CDK17: variants seen among roughly 807,000 people sequenced by gnomAD.
CDK17 encodes cyclin-dependent kinase 17.
Under a neutral mutation model 77.6 loss-of-function variants are expected in CDK17, and 24 were observed. The ratio of observed to expected loss-of-function variants is 0.31; its 90% CI spans 0.22 to 0.44. The LOEUF (loss-of-function observed/expected upper bound fraction) is 0.44, where lower values mean the gene tolerates loss of function less well. Among genes scored for constraint, CDK17 ranks in the 20% least tolerant of loss-of-function variants. The probability of loss-of-function intolerance (pLI) is 1.00; values close to 1 mark genes in which losing one functional copy is unlikely to be tolerated. For synonymous variants in CDK17, 203 were observed against 210.4 expected, an observed-to-expected ratio of 0.96 and a Z score of 0.30; for missense variants, 429 against 622.5, an observed-to-expected ratio of 0.69 and a Z score of 3.31.
intron 1 of CDK17, among the ~76,000 whole-genome samples, chr12:96,343,114 T>C (rs1953146430): frequency 6.6e-6 from 1 of 152,250 alleles, no homozygotes; most frequent in Admixed American, 6.5e-5. Flanking sequence ...CAATATTAGT[T>C]TATTATGACA....
At chr12:96,363,858 A>G (rs1953539025) in intron 1 of CDK17, among the ~76,000 whole-genome samples, 1 of 152,204 alleles carries the variant, frequency 6.6e-6, no homozygotes, top group Admixed American at 6.5e-5. Context: ...CAAAACAAAC[A>G]AACACATAAA....
intron 1 of CDK17, among the ~76,000 whole-genome samples, chr12:96,343,131 G>A (rs998095487): frequency 3.3e-5 from 5 of 152,182 alleles, no homozygotes; most frequent in African/African-American, 1.2e-4. Context: ...GACACTTGAG[G>A]TGTAAAATGT....
intron 3 of CDK17, among the ~76,000 whole-genome samples, chr12:96,317,192 G>A (rs1490247098): frequency 2.7e-5 from 4 of 150,210 alleles, no homozygotes; most frequent in Non-Finnish European, 5.9e-5. Context: ...CGATCAACTG[G>A]AAGAAAGGGT....
At chr12:96,394,123 G>C (rs900371186) in intron 1 of CDK17, among the ~76,000 whole-genome samples, 1 of 151,962 alleles carries the variant, frequency 6.6e-6, no homozygotes, top group African/African-American at 2.4e-5. Flanking sequence ...GTGCACGCCT[G>C]TAATCCCAGC....
chr12:96,294,362 C>T (rs932425279), intron 10 of CDK17, among the ~76,000 whole-genome samples: 10 of 151,754 alleles, frequency 6.6e-5, no homozygotes, highest in Non-Finnish European at 1.3e-4. Flanking sequence ...GAGGCCGAGG[C>T]GAGTGGACCA....
intron 9 of CDK17, among the ~76,000 whole-genome samples, chr12:96,296,746 T>C (rs1047450469): frequency 1.3e-5 from 2 of 152,234 alleles, no homozygotes; most frequent in Middle Eastern, 3.2e-3. Flanking sequence ...ATTTTTAGCA[T>C]TAAATTTTTA....
chr12:96,328,443 T>C (rs1952919451), intron 2 of CDK17, among the ~76,000 whole-genome samples: 1 of 152,176 alleles, frequency 6.6e-6, no homozygotes, highest in African/African-American at 2.4e-5. Flanking sequence ...TGGTCCCTGA[T>C]GCCAGAAAGG....
At chr12:96,337,403 T>TC (rs1415833343) in intron 1 of CDK17, among the ~76,000 whole-genome samples, 1 of 152,150 alleles carries the variant, frequency 6.6e-6, no homozygotes, top group African/African-American at 2.4e-5. Flanking sequence ...TCTTGACTCT[T>TC]CAAGTGTTGA....
chr12:96,382,167 C>A (rs1047792932), intron 1 of CDK17, among the ~76,000 whole-genome samples: 1 of 151,728 alleles, frequency 6.6e-6, no homozygotes, highest in Non-Finnish European at 1.5e-5. Context: ...GTCACAGCAC[C>A]GATTTAAAAT....
intron 1 of CDK17, among the ~76,000 whole-genome samples, chr12:96,397,247 A>G (rs1954187061): frequency 1.3e-5 from 2 of 152,168 alleles, no homozygotes. Flanking sequence ...CGCTTAGTCA[A>G]CATAGCTATC....
At chr12:96,348,696 T>A (rs914484481) in intron 1 of CDK17, among the ~76,000 whole-genome samples, 1 of 152,144 alleles carries the variant, frequency 6.6e-6, no homozygotes, top group Non-Finnish European at 1.5e-5. Context: ...TGAACAATTA[T>A]ATGCTAACAA....
chr12:96,384,807 G>A (rs1029144265), intron 1 of CDK17, among the ~76,000 whole-genome samples: 1 of 152,086 alleles, frequency 6.6e-6, no homozygotes, highest in African/African-American at 2.4e-5. Flanking sequence ...CTTGAGCCCA[G>A]GAGTTCAAGA....
chr12:96,363,622 C>CA (rs1272911725), intron 1 of CDK17, among the ~76,000 whole-genome samples: 2 of 151,880 alleles, frequency 1.3e-5, no homozygotes, highest in Non-Finnish European at 2.9e-5. Context: ...TCAAGGCGGG[C>CA]AGATCATGAG....
intron 1 of CDK17, among the ~76,000 whole-genome samples, chr12:96,349,615 A>C (rs553359387): frequency 1.3e-5 from 2 of 152,108 alleles, no homozygotes; most frequent in South Asian, 4.2e-4. Context: ...AGAGAAAGGA[A>C]TTTCCTCAAC....
intron 1 of CDK17, among the ~76,000 whole-genome samples, chr12:96,386,147 A>G (rs1192649071): frequency 6.6e-6 from 1 of 152,182 alleles, no homozygotes; most frequent in Non-Finnish European, 1.5e-5. Flanking sequence ...ATGTGCCACC[A>G]CAGCTGGCCA....
Position 96,325,611 on chromosome 12 carries a change from A to G in CDK17, c.119-1499T>C, listed in dbSNP as rs566209009. On this transcript the variant is annotated intron_variant, in intron 2 of 16. Coordinates refer to ENST00000261211, the MANE Select transcript of CDK17 (RefSeq NM_002595.5). Reference sequence around the variant, plus strand: ...GCATAAGGGCCCAAAGGCTCACCCAAGGTCCAAGCTATCTAATCTGGGTCA... The same window carrying G: ...GCATAAGGGCCCAAAGGCTCACCCAGGGTCCAAGCTATCTAATCTGGGTCA... 7.2e-5 allele frequency among the ~76,000 whole-genome samples: 11 copies of G among 152,362 alleles called. No individual in the cohort carries two copies. In the South Asian group the frequency reaches 1.0e-3, roughly 14 times the overall value.
Position 96,311,243 on chromosome 12 carries a change from C to A in CDK17, c.418-66G>T, listed in dbSNP as rs953006220. The stretch of plus-strand genomic sequence containing the variant: ...GGCATTTGGCTTTTGTATTCACAGG[C>A]TCTAACATATTATTTCTTAGTGATA... On this transcript the variant is annotated intron_variant, in intron 4 of 16. Transcript: ENST00000261211. The A allele has an allele frequency of 1.3e-5, 17 of 1,288,604 alleles. 1 individual carries two copies. Among genetic ancestry groups the A allele is most frequent in the Non-Finnish European group, 1.7e-5 (16 of 960,760 alleles). 79.8% of individuals were successfully genotyped at this position (1,288,604 alleles called of 1,614,324 possible). A position where few individuals can be genotyped will look rare whatever the true frequency, so the allele number is the denominator to read the frequency against.
chr12:96,331,333 G>A (rs762085905), intron 2 of CDK17, among the ~76,000 whole-genome samples: 2 of 152,032 alleles, frequency 1.3e-5, no homozygotes, highest in Non-Finnish European at 2.9e-5. Context: ...TTTCTTCCAG[G>A]CACTACAGAA....
rs1025236602 is a variant in CDK17 at position 96,387,577 on chromosome 12, A to C, written c.-30+12409T>G. 2.6e-5 allele frequency among the ~76,000 whole-genome samples: 4 copies of C among 152,354 alleles called. No homozygotes were observed. The East Asian group carries it at 7.7e-4, about 29-fold the overall frequency. On this transcript the variant is annotated intron_variant, in intron 1 of 16. Transcript: ENST00000261211. ...AGCATCCAGGCAGATTTTATGACAA[A>C]GAATAAAATGCAAAGTCAGTTTCTT...
Sources: gnomAD v4.1 joint callset for allele counts (sites outside exome capture counted in the v4.1 genomes callset) on GRCh38, gnomAD v4.1.1 for gene constraint, MANE v1.5 for transcripts, NCBI Gene and HGNC (gene_info 2026-07-23, HGNC 2026-07-21) for gene names.